STX10: variants seen among roughly 807,000 people sequenced by gnomAD.
STX10 encodes syntaxin-10.
STX10 carries 35 observed loss-of-function variants against 34.1 expected under a neutral mutation model. The ratio of observed to expected loss-of-function variants is 1.03; its 90% CI spans 0.78 to 1.36. The LOEUF is 1.36. Among genes scored for constraint, STX10 ranks in the 40% most tolerant of loss-of-function variants. STX10 has a pLI of 0.00. For synonymous variants in STX10, 155 were observed against 132.9 expected, an observed-to-expected ratio of 1.17 and a Z score of -1.15; for missense variants, 361 against 335.5, an observed-to-expected ratio of 1.08 and a Z score of -0.59.
chr19:13,147,430 AC>A (rs1177045445), intron 4 of STX10, among the ~76,000 whole-genome samples: 1 of 150,762 alleles, frequency 6.6e-6, no homozygotes, highest in Non-Finnish European at 1.5e-5. Context: ...GCACCACTGC[AC>A]CCCAGCCTGG....
In STX10 at chr19:13,150,040, G is replaced by T; in HGVS notation, c.35+99C>A. On this transcript the variant is annotated intron_variant, in intron 1 of 7. Coordinates refer to ENST00000587230, the MANE Select transcript of STX10 (RefSeq NM_003765.3). This position sits in a 1 kb window ranked among gnomAD's most constrained non-coding sequence, Gnocchi z 4.0. ...TGCGCCTCCCACTCTGCACCCCGACGGCCTTGCCCAGCCCGCCGGGCACGC... is the reference window on the plus strand; with the variant it reads ...TGCGCCTCCCACTCTGCACCCCGACTGCCTTGCCCAGCCCGCCGGGCACGC... The T allele has an allele frequency of 7.7e-7, 1 of 1,301,696 alleles. No homozygotes were observed. The highest frequency in any genetic ancestry group is 1.1e-6 in the Non-Finnish European group (1 of 921,206). 80.6% of individuals were successfully genotyped at this position (1,301,696 alleles called of 1,614,324 possible). A position where few individuals can be genotyped will look rare whatever the true frequency, so the allele number is the denominator to read the frequency against.
rs560516411 is a variant in STX10 at position 13,148,170 on chromosome 19, T to C, written c.363+859A>G. ...AGGCAGATCAGTTGATGTGAGGGGTTTGAGACCAGACTGACCAACATGACA... is the reference window on the plus strand; with the variant it reads ...AGGCAGATCAGTTGATGTGAGGGGTCTGAGACCAGACTGACCAACATGACA... On this transcript the variant is annotated intron_variant, in intron 4 of 7. Transcript: ENST00000587230. Among the ~76,000 whole-genome samples, 3 of 151,440 alleles carry C rather than the reference T, an allele frequency of 2.0e-5. No homozygotes were observed. The East Asian group carries it at 5.8e-4, about 29-fold the overall frequency.
At chr19:13,145,244 G>T (rs1216878809) in intron 5 of STX10, 44 bp downstream of exon 5, 2 of 1,564,212 alleles carry the variant, frequency 1.3e-6, no homozygotes, top group Non-Finnish European at 1.7e-6. Flanking sequence ...AGATCAGTCT[G>T]CAAGGCTCTC....
At chr19:13,149,426 A>AAAAG (rs566550573) in intron 3 of STX10, 73 bp downstream of exon 3, 206,493 of 705,178 alleles carry the variant, frequency 0.29, 19,365 homozygotes, top group East Asian at 0.47. Flanking sequence ...AAAAAAAAAA[A>AAAAG]AAAGAAAGAA....
chr19:13,149,723 G>A lies in STX10; in HGVS notation c.205+5C>T, dbSNP rs760411533. ...GCCACCCTCTGCCACAAAGCCCCAG[G>A]ATATCGATGGTCTCTTCCAGGTCCT... On this transcript the variant is annotated splice_donor_5th_base_variant and intron_variant, in intron 2 of 7. Coordinates refer to ENST00000587230, the MANE Select transcript of STX10 (RefSeq NM_003765.3). 33 of 1,612,876 alleles carry A rather than the reference G, an allele frequency of 2.0e-5. No individual in the cohort carries two copies. Among genetic ancestry groups the A allele is most frequent in the Non-Finnish European group, 2.5e-5 (29 of 1,179,066 alleles).
intron 3 of STX10, 69 bp downstream of exon 3, chr19:13,149,422 AAAAAAAAG>A: frequency 3.5e-6 from 4 of 1,154,930 alleles, no homozygotes; most frequent in Non-Finnish European, 4.9e-6. Context: ...AAAAAAAAAA[AAAAAAAAG>A]AAAGAAAGAA....
Position 13,144,571 on chromosome 19 carries a change from A to T in STX10, c.673+6T>A. On this transcript the variant is annotated splice_donor_region_variant and intron_variant, in intron 7 of 7. Coordinates refer to ENST00000587230, the MANE Select transcript of STX10 (RefSeq NM_003765.3). ...CAGGACTGACCCCTCCCCTGAGGGG[A>T]CTCACCACTCGTCATGTGGGATACT... 6.2e-7 allele frequency: 1 copy of T among 1,613,894 alleles called. No individual in the cohort carries two copies. Among genetic ancestry groups the T allele is most frequent in the South Asian group, 1.1e-5 (1 of 91,070 alleles).
At position 13,149,059 on chromosome 19, in the gene STX10, G is replaced by C. The variant is rs746662452; in HGVS notation, c.333C>G (p.Ala111=). The C allele has an allele frequency of 1.2e-6, 2 of 1,602,640 alleles. No homozygotes were observed. The highest frequency in any genetic ancestry group is 1.3e-5 in the African/African-American group (1 of 74,774). ...TGTTATTCCTCTCCAAAAATGCTAC[G>C]GCTGTTGGGCTGACCATATGGTCCT... The part of the protein sequence containing the change: ...EMKDHMVSPT[A]VAFLERNNRE... The change falls in exon 4 of 8, where the codon GCC becomes GCG. Residue 111 remains alanine, a synonymous_variant. Transcript: ENST00000587230.
chr19:13,148,642 T>C (rs2019965978), intron 4 of STX10, among the ~76,000 whole-genome samples: 1 of 151,686 alleles, frequency 6.6e-6, no homozygotes, highest in South Asian at 2.1e-4. Flanking sequence ...ATCAAGCCAC[T>C]GCACTCCAGC....
Position 13,144,660 on chromosome 19 carries a change from G to T in STX10, c.590C>A (p.Ala197Asp), listed in dbSNP as rs1297177490. 6.2e-7 allele frequency: 1 copy of T among 1,614,076 alleles called. No homozygotes were observed. The highest frequency in any genetic ancestry group is 8.5e-7 in the Non-Finnish European group (1 of 1,180,010). The change falls in exon 7 of 8, where the codon GCC (alanine) becomes GAC (aspartate). Residue 197 changes from alanine (A) to aspartate (D), a missense_variant. Ala to Asp is a moderately radical substitution (Grantham distance 126). Transcript: ENST00000587230. ...GGTGTGGTCCATCTCTTGGGCGAAGGCATCCAGCATGCTGCCAAGAACAGG... is the reference window on the plus strand; with the variant it reads ...GGTGTGGTCCATCTCTTGGGCGAAGTCATCCAGCATGCTGCCAAGAACAGG... The part of the protein sequence containing the change: ...ELDEQGIMLD[A>D]FAQEMDHTQS...
In STX10 at chr19:13,149,755, C is replaced by G. The variant is rs781540849; in HGVS notation, c.178G>C (p.Asp60His). ...LRNGLRSIEW[D>H]LEDLEETIGI... ...ATGGTCTCTTCCAGGTCCTCGAGGT[C>G]CCACTCGATGCTGCGCAGGCCATTC... is the stretch of plus-strand genomic sequence containing the variant. The change falls in exon 2 of 8, where the codon GAC becomes CAC. Residue 60 changes from aspartate to histidine, a missense_variant. Asp to His is a moderately conservative substitution (Grantham distance 81, BLOSUM62 -1). Coordinates refer to ENST00000587230, the MANE Select transcript of STX10 (RefSeq NM_003765.3). 4.6e-5 allele frequency: 75 copies of G among 1,613,956 alleles called. No individual in the cohort carries two copies. In the East Asian group the frequency reaches 1.5e-3, roughly 32 times the overall value.
In STX10 at chr19:13,149,548, TCC is replaced by T. The variant is rs2020000793; in HGVS notation, c.249_250del (p.Asp84ProfsTer35). The T allele has an allele frequency of 6.2e-7, 1 of 1,613,828 alleles. No homozygotes were observed. Among genetic ancestry groups the T allele is most frequent in the African/African-American group, 1.3e-5 (1 of 74,820 alleles). On this transcript the variant is annotated frameshift_variant, in exon 3 of 8. Transcript: ENST00000587230. LOFTEE classifies it high-confidence loss of function. Reference sequence around the variant, plus strand: ...CACGAACACCTTTCTCTCCTGCAGGTCCCCGGCTGGGAGCTTGAACTTGCCTG... The same window carrying T: ...CACGAACACCTTTCTCTCCTGCAGGTCCGGCTGGGAGCTTGAACTTGCCTG...
chr19:13,149,617 G>A, intron 2 of STX10, 24 bp from the exon 3 acceptor site: 1 of 1,613,780 alleles, frequency 6.2e-7, no homozygotes, highest in Non-Finnish European at 8.5e-7. Flanking sequence ...CAAGGGTCAA[G>A]GCCGGAGCCA....
In STX10 at chr19:13,144,439, G is replaced by C. The variant is rs2019846761; in HGVS notation, c.721C>G (p.Leu241Val). 1 of 1,612,616 alleles carries C rather than the reference G, an allele frequency of 6.2e-7. No individual in the cohort carries two copies. Among genetic ancestry groups the C allele is most frequent in the East Asian group, 2.2e-5 (1 of 44,844 alleles). The change falls in exon 8 of 8, where the codon CTC becomes GTC. Residue 241 changes from leucine (L) to valine (V), a missense_variant. Coordinates refer to ENST00000587230, the MANE Select transcript of STX10 (RefSeq NM_003765.3). ...AIAVLVGVLL[L>V]VLILLFSL ...AGAGAGAATAGTAAGATGAGAACGA[G>C]GAGAAGCACCCCCACTAGCACGGCG...
chr19:13,145,250 C>T (rs774053166), intron 5 of STX10, 38 bp downstream of exon 5: 4 of 1,579,232 alleles, frequency 2.5e-6, no homozygotes, highest in African/African-American at 1.3e-5. Flanking sequence ...GTCTGCAAGG[C>T]TCTCCCCTCC....
rs2020029078 is a variant in STX10, at chr19:13,150,181, C to G, written c.-8G>C. On this transcript the variant is annotated 5_prime_UTR_variant, in exon 1 of 8. Coordinates refer to ENST00000587230, the MANE Select transcript of STX10 (RefSeq NM_003765.3). The surrounding 1 kb of genome is among the most constrained non-coding windows in gnomAD (Gnocchi z 4.0). The stretch of plus-strand genomic sequence containing the variant: ...GGGGTCTTCGAGAGACATGTCAGTC[C>G]CTTCCCCCCCAGGCCGAACCCCCCT... The G allele has an allele frequency of 7.5e-6, 8 of 1,067,808 alleles. No homozygotes were observed. Among genetic ancestry groups the G allele is most frequent in the Non-Finnish European group, 1.1e-5 (8 of 698,190 alleles). 66.1% of individuals were successfully genotyped at this position (1,067,808 alleles called of 1,614,324 possible).
chr19:13,149,425 A>AG (rs1284803609), intron 3 of STX10, 74 bp downstream of exon 3: 673 of 1,165,824 alleles, frequency 5.8e-4, no homozygotes, highest in Admixed American at 9.3e-4. Context: ...AAAAAAAAAA[A>AG]AAAAGAAAGA....
intron 4 of STX10, among the ~76,000 whole-genome samples, chr19:13,148,580 T>TC (rs1409335439): frequency 6.6e-6 from 1 of 150,634 alleles, no homozygotes; most frequent in African/African-American, 2.4e-5. Flanking sequence ...CTTGGGAGGC[T>TC]GAGGCAGGAG....
chr19:13,144,878 G>A lies in STX10; in HGVS notation c.472-8C>T. 1 of 1,609,646 alleles carries A rather than the reference G, an allele frequency of 6.2e-7. No individual in the cohort carries two copies. The highest frequency in any genetic ancestry group is 1.1e-5 in the South Asian group (1 of 90,264). On this transcript the variant is annotated splice_region_variant and splice_polypyrimidine_tract_variant and intron_variant, in intron 5 of 7. Coordinates refer to ENST00000587230, the MANE Select transcript of STX10 (RefSeq NM_003765.3). ...CTGTTCATCCATGATCAGCTGCAGA[G>A]CGAAGGGGTGGGAGATGCTGTTGAA...
Sources: gnomAD v4.1 joint callset for allele counts (sites outside exome capture counted in the v4.1 genomes callset) on GRCh38, gnomAD v4.1.1 for gene constraint, Gnocchi (gnomAD v3.1) non-coding constraint, MANE v1.5 for transcripts, NCBI Gene and HGNC (gene_info 2026-07-23, HGNC 2026-07-21) for gene names.